Variants in SLX4IP observed in about 807,000 individuals in gnomAD.
The protein encoded by SLX4IP is protein SLX4IP.
SLX4IP carries 34 observed loss-of-function variants against 32.9 expected under a neutral mutation model. The ratio of observed to expected loss-of-function variants is 1.03; its 90% confidence interval spans 0.79 to 1.38. The LOEUF is 1.38. SLX4IP is among the 40% of genes most tolerant of loss of function. The pLI is 0.00. For missense variants in SLX4IP, 444 were observed against 479.0 expected (o/e 0.93, Z 0.68); for synonymous variants, 172 against 171.7 (o/e 1.00, Z -0.01).
intron 2 of SLX4IP, among the ~76,000 whole-genome samples, chr20:10,525,680 A>G (rs1188264304): frequency 1.3e-5 from 2 of 152,174 alleles, no homozygotes; most frequent in Admixed American, 6.5e-5. Flanking sequence ...CTTCCAAGAA[A>G]TATTTTCCCA....
intron 2 of SLX4IP, among the ~76,000 whole-genome samples, chr20:10,507,525 A>G (rs375131744): frequency 6.6e-6 from 1 of 152,152 alleles, no homozygotes; most frequent in East Asian, 1.9e-4. Context: ...GAGGAGAGGA[A>G]GAATGAACCC....
chr20:10,576,509 C>T (rs1006827719), intron 4 of SLX4IP, among the ~76,000 whole-genome samples: 3 of 152,154 alleles, frequency 2.0e-5, no homozygotes. Flanking sequence ...AACCACATAA[C>T]CTAATGGGAA....
chr20:10,482,532 T>A (rs1184177869), intron 2 of SLX4IP, among the ~76,000 whole-genome samples: 5 of 152,232 alleles, frequency 3.3e-5, no homozygotes, highest in African/African-American at 1.2e-4. Flanking sequence ...CAAGCACAGT[T>A]GAGGTGAGGT....
chr20:10,457,841 T>TC (rs1471164133), intron 1 of SLX4IP, among the ~76,000 whole-genome samples: 6 of 140,906 alleles, frequency 4.3e-5, no homozygotes, highest in African/African-American at 1.7e-4. Context: ...CTTTTCTCTC[T>TC]TTTTTTTTTT....
intron 1 of SLX4IP, among the ~76,000 whole-genome samples, chr20:10,448,990 G>T (rs563311003): frequency 1.3e-5 from 2 of 152,240 alleles, no homozygotes; most frequent in African/African-American, 4.8e-5. Flanking sequence ...TGCTCTGAGG[G>T]CTGCTCACAT....
At chr20:10,526,636 CCT>C (rs1462401345) in intron 2 of SLX4IP, among the ~76,000 whole-genome samples, 2 of 151,690 alleles carry the variant, frequency 1.3e-5, no homozygotes, top group South Asian at 2.1e-4. Flanking sequence ...TATTCTCTCC[CCT>C]CTCTCTCTCT....
chr20:10,533,700 A>G (rs2066011396), intron 2 of SLX4IP, among the ~76,000 whole-genome samples: 1 of 149,046 alleles, frequency 6.7e-6, no homozygotes, highest in Admixed American at 6.8e-5. Context: ...GCTCACTGCA[A>G]GCTCCACCTC....
intron 2 of SLX4IP, among the ~76,000 whole-genome samples, chr20:10,523,897 G>A (rs35713133): frequency 0.051 from 7,777 of 152,338 alleles, 269 homozygotes; most frequent in Middle Eastern, 0.075. Context: ...TTTTAAGGAT[G>A]TGAGACAGTA....
intron 2 of SLX4IP, among the ~76,000 whole-genome samples, chr20:10,531,046 A>C (rs1399165104): frequency 6.6e-6 from 1 of 152,178 alleles, no homozygotes; most frequent in Non-Finnish European, 1.5e-5. Context: ...TAGACTGCAC[A>C]TGGATAGTCC....
At chr20:10,579,092 ATGT>A (rs1307122786) in intron 4 of SLX4IP, among the ~76,000 whole-genome samples, 1 of 151,986 alleles carries the variant, frequency 6.6e-6, no homozygotes. Flanking sequence ...CAATTCATCT[ATGT>A]TGTTGTTGTT....
At chr20:10,513,134 A>G (rs1408329865) in intron 2 of SLX4IP, among the ~76,000 whole-genome samples, 1 of 152,098 alleles carries the variant, frequency 6.6e-6, no homozygotes, top group Non-Finnish European at 1.5e-5. Context: ...CTCCTAGAGG[A>G]GCATCCCTAG....
At chr20:10,571,781 T>C (rs111528475) in intron 4 of SLX4IP, among the ~76,000 whole-genome samples, 4,149 of 152,314 alleles carry the variant, frequency 0.027, 101 homozygotes, top group Admixed American at 0.088. Context: ...TTTTCTTTGC[T>C]GAGACTTTAC....
intron 2 of SLX4IP, among the ~76,000 whole-genome samples, chr20:10,552,761 T>C (rs1341461401): frequency 6.6e-6 from 1 of 152,118 alleles, no homozygotes; most frequent in Non-Finnish European, 1.5e-5. Context: ...ATTAGGTTAA[T>C]TCTTCAGCAA....
At chr20:10,470,851 T>C (rs555692769) in intron 2 of SLX4IP, among the ~76,000 whole-genome samples, 1 of 152,338 alleles carries the variant, frequency 6.6e-6, no homozygotes, top group South Asian at 2.1e-4. Context: ...CTTCTTGAAA[T>C]TTAGATCATC....
chr20:10,498,760 C>G (rs945514664), intron 2 of SLX4IP, among the ~76,000 whole-genome samples: 3 of 149,634 alleles, frequency 2.0e-5, no homozygotes, highest in African/African-American at 7.4e-5. Context: ...AGTCTATTGT[C>G]CCTTATTCTC....
intron 2 of SLX4IP, among the ~76,000 whole-genome samples, chr20:10,494,150 G>T (rs1194354030): frequency 6.6e-6 from 1 of 151,292 alleles, no homozygotes; most frequent in African/African-American, 2.4e-5. Flanking sequence ...AACTTTTTAT[G>T]AATGAGCTTT....
rs2065872939 is a variant in SLX4IP, at chr20:10,518,462, CCTTTCCTTTCTTTTCCTTTCCTTTCCTT to C, written c.28-37768_28-37741del. ...TTCTTCCTTCCTTCCTTCCTTCCTT[CCTTTCCTTTCTTTTCCTTTCCTTTCCTT>C]TTCCTTCCTTCCTTCCTTCCTTCCT... On this transcript the variant is annotated intron_variant, in intron 2 of 7. Coordinates refer to ENST00000334534, the MANE Select transcript of SLX4IP (RefSeq NM_001009608.3). Among the ~76,000 whole-genome samples, 8 of 65,270 alleles carry C rather than the reference CCTTTCCTTTCTTTTCCTTTCCTTTCCTT, an allele frequency of 1.2e-4. 1 individual carries two copies. Among genetic ancestry groups the C allele is most frequent in the Admixed American group, 1.9e-4 (1 of 5,340 alleles). 42.8% of individuals were successfully genotyped at this position (65,270 alleles called of 152,430 possible). A position where few individuals can be genotyped will look rare whatever the true frequency, so the allele number is the denominator to read the frequency against.
At chr20:10,622,334 G>A (rs1322744545) in intron 7 of SLX4IP, among the ~76,000 whole-genome samples, 1 of 152,034 alleles carries the variant, frequency 6.6e-6, no homozygotes, top group East Asian at 1.9e-4. Context: ...AAAAAAATCA[G>A]TATATAGGCA....
At chr20:10,466,887 A>G (rs942280730) in intron 2 of SLX4IP, among the ~76,000 whole-genome samples, 1 of 151,960 alleles carries the variant, frequency 6.6e-6, no homozygotes, top group African/African-American at 2.4e-5. Context: ...CATCTTTACT[A>G]TCAATGTTTT....
Sources: allele counts gnomAD v4.1 joint callset (sites outside exome capture counted in the v4.1 genomes callset), GRCh38; gene constraint gnomAD v4.1.1; transcripts MANE v1.5; gene names NCBI Gene and HGNC (gene_info 2026-07-23, HGNC 2026-07-21).